The following ZC3H12B variants were observed in gnomAD, a reference collection of about 807,000 sequenced individuals.
The protein encoded by ZC3H12B is probable ribonuclease ZC3H12B.
In ZC3H12B, 7 loss-of-function variants were observed where a neutral mutation model predicts 43.9. The ratio of observed to expected loss-of-function variants is 0.16; its 90% confidence interval spans 0.09 to 0.30. ZC3H12B has a LOEUF of 0.30. Ranked by LOEUF, ZC3H12B falls within the 10% of genes least tolerant of loss-of-function variation. ZC3H12B has a pLI of 1.00. For synonymous variants in ZC3H12B, 222 were observed against 241.7 expected, an observed-to-expected ratio of 0.92 and a Z score of 0.76; for missense variants, 475 against 670.2, an observed-to-expected ratio of 0.71 and a Z score of 3.22.
At chrX:65,371,232 T>A (rs1316026315) in intron 2 of ZC3H12B, among the ~76,000 whole-genome samples, 1 of 112,254 alleles carries the variant, frequency 8.9e-6, no homozygotes, top group Non-Finnish European at 1.9e-5. Flanking sequence ...GAGGTAGAAT[T>A]AGCATAATCC....
the ZC3H12B span, among the ~76,000 whole-genome samples, chrX:65,250,351 G>T: frequency 2.7e-5 from 3 of 111,865 alleles, no homozygotes; most frequent in African/African-American, 9.7e-5. Flanking sequence ...GGATATTTGG[G>T]TTGGTTCCAA....
chrX:65,188,040 T>C, the ZC3H12B span, among the ~76,000 whole-genome samples: 1 of 111,730 alleles, frequency 9.0e-6, no homozygotes, highest in South Asian at 3.7e-4. Context: ...CACTCAGTAA[T>C]ATGTGAGAAC....
chrX:65,152,905 A>T, the ZC3H12B span, among the ~76,000 whole-genome samples: 2 of 111,823 alleles, frequency 1.8e-5, no homozygotes, highest in African/African-American at 3.3e-5. Context: ...ATGGAACAGA[A>T]CAGAGCCCTC....
At chrX:65,301,301 A>G in the ZC3H12B span, among the ~76,000 whole-genome samples, 6 of 111,847 alleles carry the variant, frequency 5.4e-5, no homozygotes, top group Non-Finnish European at 9.4e-5. Flanking sequence ...CAAACAGTAG[A>G]TCTATTTCAT....
At chrX:65,060,900 T>C in the ZC3H12B span, among the ~76,000 whole-genome samples, 229 of 111,841 alleles carry the variant, frequency 2.0e-3, 2 homozygotes, top group Admixed American at 0.021. Context: ...GTCCCAGGAA[T>C]TTCTTTACTC....
chrX:65,247,867 C>T, the ZC3H12B span, among the ~76,000 whole-genome samples: 2 of 111,748 alleles, frequency 1.8e-5, no homozygotes, highest in East Asian at 5.6e-4. Flanking sequence ...TACTTGTAGC[C>T]TTGAAATTAT....
At chrX:65,223,729 C>A in the ZC3H12B span, among the ~76,000 whole-genome samples, 1 of 112,080 alleles carries the variant, frequency 8.9e-6, no homozygotes, top group South Asian at 3.7e-4. Context: ...TGCTCAACAT[C>A]ACTAATGATC....
chrX:65,385,812 A>G (rs971248470), intron 2 of ZC3H12B, among the ~76,000 whole-genome samples: 3 of 112,142 alleles, frequency 2.7e-5, no homozygotes, highest in African/African-American at 9.7e-5. Context: ...ATTTTGAGCT[A>G]TGTCCCATCA....
rs1348233467 is a variant in ZC3H12B at position 65,373,925 on chromosome X, T to C, written n.295+4927T>C. On this transcript the variant is annotated intron_variant and non_coding_transcript_variant, in intron 2 of 5. Coordinates refer to the ZC3H12B transcript ENST00000617377. ...TATATATAGTTATATATATATACTA[T>C]ATATATAGTATATATATATAGTTAT... 1.2e-4 allele frequency among the ~76,000 whole-genome samples: 6 copies of C among 49,992 alleles called. 1 individual carries two copies. The highest frequency in any genetic ancestry group is 1.7e-4 in the Non-Finnish European group (6 of 34,605). 43.4% of individuals were successfully genotyped at this position (49,992 alleles called of 115,157 possible).
the ZC3H12B span, among the ~76,000 whole-genome samples, chrX:65,334,861 C>A: frequency 9.0e-6 from 1 of 111,476 alleles, no homozygotes; most frequent in East Asian, 2.8e-4. Flanking sequence ...AATGATTTTA[C>A]CATGCATTTC....
the ZC3H12B span, among the ~76,000 whole-genome samples, chrX:65,063,984 G>C: frequency 8.9e-6 from 1 of 111,829 alleles, no homozygotes; most frequent in South Asian, 3.7e-4. Context: ...GATTGTATGT[G>C]TGTAGGATCT....
At chrX:65,315,728 G>T in the ZC3H12B span, among the ~76,000 whole-genome samples, 1 of 112,110 alleles carries the variant, frequency 8.9e-6, no homozygotes, top group Non-Finnish European at 1.9e-5. Context: ...GAAAGAACCA[G>T]CACAAGAACT....
At chrX:65,179,283 G>A in the ZC3H12B span, among the ~76,000 whole-genome samples, 1 of 110,049 alleles carries the variant, frequency 9.1e-6, no homozygotes, top group Non-Finnish European at 1.9e-5. Flanking sequence ...GGGAGGGATA[G>A]CATTAGAAGA....
chrX:65,065,592 A>G, the ZC3H12B span, among the ~76,000 whole-genome samples: 1 of 111,060 alleles, frequency 9.0e-6, no homozygotes, highest in African/African-American at 3.3e-5. Flanking sequence ...CTTTGTTTCA[A>G]CCTTGGTGAA....
At chrX:65,186,358 G>T in the ZC3H12B span, among the ~76,000 whole-genome samples, 1 of 108,519 alleles carries the variant, frequency 9.2e-6, no homozygotes, top group Non-Finnish European at 1.9e-5. Flanking sequence ...CGGGCATGGT[G>T]GAGGGCGCCT....
chrX:65,098,562 G>T, the ZC3H12B span, among the ~76,000 whole-genome samples: 1 of 109,718 alleles, frequency 9.1e-6, no homozygotes, highest in African/African-American at 3.3e-5. Context: ...CATCTCATTG[G>T]GACTGGTTAG....
intron 2 of ZC3H12B, among the ~76,000 whole-genome samples, chrX:65,391,968 T>C (rs1409093091): frequency 8.9e-6 from 1 of 111,792 alleles, no homozygotes; most frequent in Admixed American, 9.5e-5. Context: ...GGTTTTGCCA[T>C]GTTGGCCAGG....
At chrX:65,090,740 A>G in the ZC3H12B span, among the ~76,000 whole-genome samples, 161 of 111,315 alleles carry the variant, frequency 1.4e-3, 1 homozygote, top group African/African-American at 5.2e-3. Flanking sequence ...CCCTGTTACA[A>G]TTTGGATATG....
chrX:65,092,406 C>A, the ZC3H12B span, among the ~76,000 whole-genome samples: 157 of 110,951 alleles, frequency 1.4e-3, 1 homozygote, highest in South Asian at 0.011. Context: ...ATGGAGGGCT[C>A]AGAAGAAGAT....
Sources: allele counts gnomAD v4.1 joint callset (sites outside exome capture counted in the v4.1 genomes callset), GRCh38; gene constraint gnomAD v4.1.1; transcripts MANE v1.5; gene names NCBI Gene and HGNC (gene_info 2026-07-23, HGNC 2026-07-21).